GABRA2: variants seen among roughly 807,000 people sequenced by gnomAD.
GABRA2 encodes the protein gamma-aminobutyric acid type A receptor subunit alpha2, also known as gamma-aminobutyric acid receptor subunit alpha-2.
GABRA2 carries 16 observed loss-of-function variants against 48.7 expected under a neutral mutation model. The ratio of observed to expected loss-of-function variants is 0.33; its 90% confidence interval spans 0.22 to 0.50. The LOEUF (loss-of-function observed/expected upper bound fraction) is 0.50. Ranked by LOEUF, GABRA2 falls within the 20% of genes least tolerant of loss-of-function variation. The pLI, the probability that GABRA2 is intolerant of heterozygous loss-of-function variation, is 0.98. For missense variants in GABRA2, 275 were observed against 535.6 expected (o/e 0.51, Z 4.80); for synonymous variants, 185 against 184.5 (o/e 1.00, Z -0.02).
intron 8 of GABRA2, among the ~76,000 whole-genome samples, chr4:46,263,912 TTCTCTCTC>T (rs3068324): frequency 0.044 from 6,321 of 145,022 alleles, 148 homozygotes; most frequent in African/African-American, 0.076. Flanking sequence ...ATTAGATCAA[TTCTCTCTC>T]TCTCTCTCTC....
chr4:46,297,246 G>C lies in GABRA2; in HGVS notation c.856+6214C>G, dbSNP rs144647695. On this transcript the variant is annotated intron_variant, in intron 8 of 9. Transcript: ENST00000381620. Reference sequence around the variant, plus strand: ...AATATGGGAAGAAACCATCTAATCAGCTGCCAGTGCAGCCAGAATATAAAG... The same window carrying C: ...AATATGGGAAGAAACCATCTAATCACCTGCCAGTGCAGCCAGAATATAAAG... Among the ~76,000 whole-genome samples, 434 of 151,978 alleles carry C rather than the reference G, an allele frequency of 2.9e-3. 1 individual carries two copies. The highest frequency in any genetic ancestry group is 9.4e-3 in the African/African-American group (388 of 41,402).
At chr4:46,360,911 CT>C (rs1185709034) in intron 3 of GABRA2, among the ~76,000 whole-genome samples, 5 of 152,142 alleles carry the variant, frequency 3.3e-5, no homozygotes, top group Admixed American at 2.0e-4. Context: ...CATTTTGCCC[CT>C]ATCCCAGAGA....
Position 46,244,589 on chromosome 4 carries a change from A to G in GABRA2, c.*5719T>C, listed in dbSNP as rs559573703. On this transcript the variant is annotated 3_prime_UTR_variant, in exon 10 of 10. Transcript: ENST00000381620. ...TACAACAAAATATTTGATGAAATCA[A>G]TACATAATCCTTGAAGCCCAATGGG... Among the ~76,000 whole-genome samples, 1 of 151,702 alleles carries G rather than the reference A, an allele frequency of 6.6e-6. No homozygotes were observed. Among genetic ancestry groups the G allele is most frequent in the East Asian group, 2.0e-4 (1 of 5,118 alleles).
intron 8 of GABRA2, among the ~76,000 whole-genome samples, chr4:46,295,647 G>T (rs1362494400): frequency 1.3e-5 from 2 of 152,126 alleles, no homozygotes; most frequent in Non-Finnish European, 2.9e-5. Flanking sequence ...AGGCTGACCT[G>T]GCTACAGCCA....
intron 4 of GABRA2, among the ~76,000 whole-genome samples, chr4:46,327,204 A>G (rs1224890217): frequency 6.6e-6 from 1 of 151,986 alleles, no homozygotes; most frequent in Admixed American, 6.6e-5. Flanking sequence ...TTCCCTTAGC[A>G]TAAAGTCAAA....
At chr4:46,266,876 C>T (rs900147552) in intron 8 of GABRA2, among the ~76,000 whole-genome samples, 2 of 151,682 alleles carry the variant, frequency 1.3e-5, no homozygotes, top group African/African-American at 2.4e-5. Context: ...CATGCACCAC[C>T]ACGTCCAGCT....
At chr4:46,339,685 C>T (rs1732883268) in intron 3 of GABRA2, among the ~76,000 whole-genome samples, 1 of 151,862 alleles carries the variant, frequency 6.6e-6, no homozygotes, top group African/African-American at 2.4e-5. Flanking sequence ...TTCTCCAGGA[C>T]ATCGTAATCA....
chr4:46,286,434 A>C (rs116094209), intron 8 of GABRA2, among the ~76,000 whole-genome samples: 2,229 of 152,198 alleles, frequency 0.015, 24 homozygotes, highest in Non-Finnish European at 0.023. Flanking sequence ...CTGTGTGAAC[A>C]TATATTTTTA....
intron 8 of GABRA2, among the ~76,000 whole-genome samples, chr4:46,296,636 T>C (rs887678672): frequency 7.0e-6 from 1 of 141,920 alleles, no homozygotes; most frequent in African/African-American, 2.7e-5. Context: ...GAATGAAGGT[T>C]TGGATTACTC....
rs1718005997 is a variant in GABRA2, at chr4:46,389,838, A to AGAGAGG, written c.-115_-114insCCTCTC. 1.0e-6 allele frequency: 1 copy of AGAGAGG among 974,424 alleles called. No homozygotes were observed. Among genetic ancestry groups the AGAGAGG allele is most frequent in the African/African-American group, 1.9e-5 (1 of 53,082 alleles). The allele number at this position is 974,424 out of a possible 1,614,324, so 60.4% of individuals were successfully genotyped here. On this transcript the variant is annotated 5_prime_UTR_variant, in exon 1 of 10. Transcript: ENST00000381620. The stretch of plus-strand genomic sequence containing the variant: ...GAGAGAGAGAGAGAGAGAGAGAGAG[A>AGAGAGG]GAGAGAGAGAGAGAGAGAGAGAGAC...
intron 8 of GABRA2, among the ~76,000 whole-genome samples, chr4:46,290,434 A>C (rs1393040018): frequency 6.6e-6 from 1 of 151,936 alleles, no homozygotes; most frequent in Non-Finnish European, 1.5e-5. Flanking sequence ...TAGATCTTTT[A>C]TATTTTCTTT....
intron 4 of GABRA2, among the ~76,000 whole-genome samples, chr4:46,315,053 A>T (rs1256719743): frequency 6.6e-6 from 1 of 151,906 alleles, no homozygotes; most frequent in Non-Finnish European, 1.5e-5. Context: ...AAGTTCTTTG[A>T]GAAATTTCCA....
intron 8 of GABRA2, among the ~76,000 whole-genome samples, chr4:46,263,520 C>G (rs1390411048): frequency 6.6e-6 from 1 of 152,062 alleles, no homozygotes; most frequent in African/African-American, 2.4e-5. Flanking sequence ...TTGGACACTT[C>G]GTTGAGAATC....
intron 8 of GABRA2, among the ~76,000 whole-genome samples, chr4:46,266,379 T>G (rs1365489187): frequency 6.7e-6 from 1 of 148,888 alleles, no homozygotes; most frequent in Non-Finnish European, 1.5e-5. Flanking sequence ...TTATATTTAC[T>G]TTTTAATATT....
At chr4:46,310,485 A>G (rs1030905841) in intron 5 of GABRA2, among the ~76,000 whole-genome samples, 3 of 152,174 alleles carry the variant, frequency 2.0e-5, no homozygotes, top group Non-Finnish European at 4.4e-5. Flanking sequence ...TACTTTAGCC[A>G]TTTTAGTTTC....
intron 8 of GABRA2, among the ~76,000 whole-genome samples, chr4:46,278,356 A>G (rs1720903567): frequency 6.6e-6 from 1 of 152,172 alleles, no homozygotes; most frequent in African/African-American, 2.4e-5. Flanking sequence ...GCTGTACATC[A>G]ATTTAAAGTA....
chr4:46,262,995 A>G lies in GABRA2; in HGVS notation c.857-867T>C, dbSNP rs866821891. On this transcript the variant is annotated intron_variant, in intron 8 of 9. Transcript: ENST00000381620. ...GAGAGAGAGGGAGGGAGGGAGGGAG[A>G]GAGAGAAAGAAAGAAAGATATGTTG... is the stretch of plus-strand genomic sequence containing the variant. Among the ~76,000 whole-genome samples, 120 of 151,268 alleles carry G rather than the reference A, an allele frequency of 7.9e-4. 1 individual carries two copies. The highest frequency in any genetic ancestry group is 3.2e-3 in the Middle Eastern group (1 of 312).
chr4:46,384,143 C>A (rs1337899702), intron 3 of GABRA2, among the ~76,000 whole-genome samples: 2 of 152,136 alleles, frequency 1.3e-5, no homozygotes, highest in East Asian at 3.9e-4. Flanking sequence ...GAATTCCAGT[C>A]TAGACCTGTC....
intron 8 of GABRA2, among the ~76,000 whole-genome samples, chr4:46,287,195 A>G (rs1722717273): frequency 6.6e-6 from 1 of 152,190 alleles, no homozygotes; most frequent in Non-Finnish European, 1.5e-5. Flanking sequence ...CTATAACAGC[A>G]TCATTTGATA....
Sources: allele counts gnomAD v4.1 joint callset (sites outside exome capture counted in the v4.1 genomes callset), GRCh38; gene constraint gnomAD v4.1.1; transcripts MANE v1.5; gene names NCBI Gene and HGNC (gene_info 2026-07-23, HGNC 2026-07-21).